Variants in AUTS2 observed in about 807,000 individuals in gnomAD.
AUTS2 encodes the protein activator of transcription and developmental regulator AUTS2.
A neutral mutation model predicts 112.4 loss-of-function variants in AUTS2; 17 were observed. The observed-to-expected ratio is 0.15, with a 90% CI of 0.10 to 0.23. The LOEUF (loss-of-function observed/expected upper bound fraction) is 0.23, where lower values mean the gene tolerates loss of function less well. Among genes scored for constraint, AUTS2 ranks in the 10% least tolerant of loss-of-function variants. The pLI, the probability that AUTS2 is intolerant of heterozygous loss-of-function variation, is 1.00. For synonymous variants in AUTS2, 751 were observed against 702.7 expected (o/e 1.07, Z -1.09); for missense variants, 1,510 against 1,701.6 (o/e 0.89, Z 1.98).
chr7:70,035,505 A>G (rs1361179134), intron 2 of AUTS2, among the ~76,000 whole-genome samples: 1 of 152,092 alleles, frequency 6.6e-6, no homozygotes, highest in Admixed American at 6.6e-5. Flanking sequence ...TTTTGTCTAG[A>G]CTTGCCATAT....
chr7:69,971,031 T>C (rs967255139), intron 2 of AUTS2, among the ~76,000 whole-genome samples: 1 of 152,012 alleles, frequency 6.6e-6, no homozygotes, highest in Non-Finnish European at 1.5e-5. Flanking sequence ...ATTAAAAAAT[T>C]AGCTGGTGTG....
intron 1 of AUTS2, among the ~76,000 whole-genome samples, chr7:69,895,914 C>A (rs896007016): frequency 9.2e-5 from 14 of 152,190 alleles, no homozygotes; most frequent in Non-Finnish European, 2.9e-5. Flanking sequence ...ATCTGATCCT[C>A]TACATGCATA....
intron 1 of AUTS2, among the ~76,000 whole-genome samples, chr7:69,836,936 A>C (rs144097775): frequency 1.3e-5 from 2 of 152,202 alleles, no homozygotes; most frequent in East Asian, 3.8e-4. Flanking sequence ...ATTAGTACAC[A>C]GTAAATGTTA....
intron 1 of AUTS2, among the ~76,000 whole-genome samples, chr7:69,889,486 C>A (rs187203158): frequency 7.4e-4 from 112 of 152,250 alleles, no homozygotes; most frequent in African/African-American, 2.6e-3. Flanking sequence ...CTGACAAGTA[C>A]CTCTTGTCTT....
intron 1 of AUTS2, among the ~76,000 whole-genome samples, chr7:69,713,959 C>G (rs1406973091): frequency 2.0e-5 from 3 of 151,990 alleles, no homozygotes; most frequent in Non-Finnish European, 4.4e-5. Flanking sequence ...ACTAAGAAAT[C>G]TTTGCCAATT....
chr7:69,861,765 T>C (rs1370085050), intron 1 of AUTS2, among the ~76,000 whole-genome samples: 3 of 152,214 alleles, frequency 2.0e-5, no homozygotes, highest in African/African-American at 4.8e-5. Context: ...TCTCCTAGAA[T>C]TGCCAGTCCT....
chr7:70,428,851 A>G (rs1174776868), intron 4 of AUTS2, among the ~76,000 whole-genome samples: 1 of 152,224 alleles, frequency 6.6e-6, no homozygotes, highest in Admixed American at 6.5e-5. Context: ...TCTTGTTGCT[A>G]CATTCTGAAT....
chr7:70,781,103 G>C (rs1371581559), intron 14 of AUTS2, among the ~76,000 whole-genome samples: 1 of 152,100 alleles, frequency 6.6e-6, no homozygotes, highest in Non-Finnish European at 1.5e-5. Flanking sequence ...GCTCACACCT[G>C]TAATCCTAGC....
chr7:70,422,697 A>T (rs993850745), intron 4 of AUTS2, among the ~76,000 whole-genome samples: 4 of 151,866 alleles, frequency 2.6e-5, no homozygotes, highest in Non-Finnish European at 1.5e-5. Context: ...AATCGCTTGA[A>T]CCCAGGAGGC....
chr7:70,784,944 G>T lies in AUTS2; in HGVS notation c.2149G>T (p.Ala717Ser). 6.2e-7 allele frequency: 1 copy of T among 1,614,074 alleles called. No individual in the cohort carries two copies. Residue 717 changes from alanine (A) to serine (S), a missense_variant and splice_region_variant, in exon 16 of 19, where the codon GCT becomes TCT. Ala to Ser is a moderately conservative substitution (Grantham distance 99, BLOSUM62 1). Coordinates refer to ENST00000342771, the MANE Select transcript of AUTS2 (RefSeq NM_015570.4). ...TTTCGTTATGTTTGACTTAACAGGTGCTGCACACCCAACTGGGACCCCTTT... is the reference window on the plus strand; with the variant it reads ...TTTCGTTATGTTTGACTTAACAGGTTCTGCACACCCAACTGGGACCCCTTT... ...RPSTLFSAAG[A>S]AHPTGTPFGP...
chr7:70,245,173 A>T (rs13242361), intron 4 of AUTS2, among the ~76,000 whole-genome samples: 1,879 of 123,128 alleles, frequency 0.015, 32 homozygotes, highest in African/African-American at 0.025. Context: ...TATATATAAA[A>T]AATAAAAAAT....
At chr7:70,727,656 T>G (rs977174736) in intron 6 of AUTS2, among the ~76,000 whole-genome samples, 19 of 152,126 alleles carry the variant, frequency 1.2e-4, no homozygotes, top group Admixed American at 4.6e-4. Context: ...CCAGGCTGTT[T>G]TTAAAACTTA....
intron 4 of AUTS2, among the ~76,000 whole-genome samples, chr7:70,361,751 G>A (rs1045180006): frequency 2.6e-5 from 4 of 152,116 alleles, no homozygotes; most frequent in Admixed American, 2.6e-4. Flanking sequence ...CATGCTCTCT[G>A]GTTGAACTGA....
At chr7:70,616,758 T>G (rs1804392520) in intron 5 of AUTS2, among the ~76,000 whole-genome samples, 1 of 151,320 alleles carries the variant, frequency 6.6e-6, no homozygotes, top group Admixed American at 6.6e-5. Context: ...GAATAGTTTT[T>G]TTTTTTTTTT....
intron 1 of AUTS2, among the ~76,000 whole-genome samples, chr7:69,834,624 A>G (rs1791643978): frequency 6.6e-6 from 1 of 152,170 alleles, no homozygotes; most frequent in Non-Finnish European, 1.5e-5. Flanking sequence ...CCACTGCAGA[A>G]TAATCTCAGC....
chr7:70,564,520 G>T (rs560912144), intron 5 of AUTS2, among the ~76,000 whole-genome samples: 1 of 152,172 alleles, frequency 6.6e-6, no homozygotes, highest in Non-Finnish European at 1.5e-5. Context: ...TCTTTTTAAG[G>T]TGGTTTCATT....
chr7:69,734,470 T>C (rs1265223734), intron 1 of AUTS2, among the ~76,000 whole-genome samples: 1 of 151,502 alleles, frequency 6.6e-6, no homozygotes, highest in Non-Finnish European at 1.5e-5. Flanking sequence ...CTCAGTGGAG[T>C]TTGGATCACT....
chr7:70,509,402 G>A (rs1004528360), intron 5 of AUTS2, among the ~76,000 whole-genome samples: 2 of 152,166 alleles, frequency 1.3e-5, no homozygotes, highest in Non-Finnish European at 2.9e-5. Flanking sequence ...AGTACCCTAC[G>A]GAAGGTACAG....
intron 4 of AUTS2, among the ~76,000 whole-genome samples, chr7:70,203,504 T>C (rs1810410584): frequency 6.7e-6 from 1 of 150,324 alleles, no homozygotes; most frequent in African/African-American, 2.4e-5. Context: ...ATATGCATAT[T>C]TGACATTAAA....
Sources: allele counts gnomAD v4.1 joint callset (sites outside exome capture counted in the v4.1 genomes callset), GRCh38; gene constraint gnomAD v4.1.1; transcripts MANE v1.5; gene names NCBI Gene and HGNC (gene_info 2026-07-23, HGNC 2026-07-21).